The following TMEM132C variants were observed in gnomAD, a reference collection of about 807,000 sequenced individuals.
The protein encoded by TMEM132C is transmembrane protein 132C, also known as protein phosphatase 1, regulatory subunit 152.
A neutral mutation model predicts 61.4 loss-of-function variants in TMEM132C; 29 were observed. The observed-to-expected ratio is 0.47, with a 90% CI of 0.35 to 0.64. The LOEUF is 0.64. Ranked by LOEUF, TMEM132C falls within the 30% of genes least tolerant of loss-of-function variation. The pLI is 0.00. For synonymous variants in TMEM132C, 656 were observed against 633.1 expected (o/e 1.04, Z -0.54); for missense variants, 1,408 against 1,476.9 (o/e 0.95, Z 0.76).
rs1269198843 is a variant in TMEM132C at position 128,707,244 on chromosome 12, C to G, written c.*949C>G. ...CAGGAGAACAGAGCCCCACCTGGAC[C>G]ACCTGACCCCTCGGGATTCCACCCC... On this transcript the variant is annotated 3_prime_UTR_variant, in exon 9 of 9. Coordinates refer to ENST00000435159, the MANE Select transcript of TMEM132C (RefSeq NM_001136103.3). The G allele has an allele frequency of 6.6e-6, 1 of 152,198 alleles. No individual in the cohort carries two copies. The highest frequency in any genetic ancestry group is 2.4e-5 in the African/African-American group (1 of 41,452). 9.4% of individuals were successfully genotyped at this position (152,198 alleles called of 1,614,324 possible).
rs1455807944 is a variant in TMEM132C at position 128,547,662 on chromosome 12, C to CTTGGCCACATCCCCGTG, written c.1121+3574_1121+3590dup. Among the ~76,000 whole-genome samples the CTTGGCCACATCCCCGTG allele has an allele frequency of 3.3e-5, 5 of 151,972 alleles. No individual in the cohort carries two copies. The South Asian group carries it at 1.0e-3, about 32-fold the overall frequency. ...GGAAGCTGCAACTGTGTTTTCAGAT[C>CTTGGCCACATCCCCGTG]TTGGCCACATCCCCGTGTTGGCCAC... is the stretch of plus-strand genomic sequence containing the variant. On this transcript the variant is annotated intron_variant, in intron 3 of 8. Coordinates refer to ENST00000435159, the MANE Select transcript of TMEM132C (RefSeq NM_001136103.3).
At chr12:128,573,334 G>C (rs1874965664) in intron 3 of TMEM132C, among the ~76,000 whole-genome samples, 1 of 151,912 alleles carries the variant, frequency 6.6e-6, no homozygotes, top group Non-Finnish European at 1.5e-5. Context: ...CCATCATTCT[G>C]AGCAAACTAT....
intron 2 of TMEM132C, among the ~76,000 whole-genome samples, chr12:128,532,297 T>C (rs965311347): frequency 1.2e-4 from 18 of 152,146 alleles, no homozygotes; most frequent in Middle Eastern, 6.8e-3. Context: ...ATAAAATGAC[T>C]ATATATGCAA....
chr12:128,314,267 G>T (rs888774757), intron 1 of TMEM132C, among the ~76,000 whole-genome samples: 6 of 152,190 alleles, frequency 3.9e-5, no homozygotes, highest in African/African-American at 1.4e-4. Context: ...GCAGATCGGG[G>T]TAATTGGTTT....
chr12:128,512,763 TGA>T (rs1367997815), intron 2 of TMEM132C, among the ~76,000 whole-genome samples: 1 of 152,144 alleles, frequency 6.6e-6, no homozygotes, highest in African/African-American at 2.4e-5. Flanking sequence ...CCCACCAACA[TGA>T]GAGAGAGCCT....
intron 2 of TMEM132C, chr12:128,439,089 A>G (rs1869694144): frequency 6.6e-6 from 1 of 152,550 alleles, no homozygotes; most frequent in Non-Finnish European, 1.5e-5. Context: ...GTCAACAACA[A>G]CTTCTGTGGC....
chr12:128,665,834 CACAA>C (rs1481860319), intron 4 of TMEM132C, among the ~76,000 whole-genome samples: 2 of 120,750 alleles, frequency 1.7e-5, no homozygotes, highest in African/African-American at 3.7e-5. Context: ...CAGGCACTCA[CACAA>C]ACACAGGCAC....
At chr12:128,671,292 A>C (rs1954529322) in intron 5 of TMEM132C, among the ~76,000 whole-genome samples, 1 of 152,154 alleles carries the variant, frequency 6.6e-6, no homozygotes, top group African/African-American at 2.4e-5. Context: ...TAGAGTCTTA[A>C]GTTTTTTGGA....
chr12:128,553,756 C>T (rs1377324893), intron 3 of TMEM132C, among the ~76,000 whole-genome samples: 1 of 152,170 alleles, frequency 6.6e-6, no homozygotes, highest in East Asian at 1.9e-4. Flanking sequence ...TTCTGCCCTT[C>T]CTAACTTTAT....
chr12:128,503,959 C>G (rs545294045), intron 2 of TMEM132C, among the ~76,000 whole-genome samples: 1 of 152,300 alleles, frequency 6.6e-6, no homozygotes, highest in South Asian at 2.1e-4. Context: ...GCCCATGAAC[C>G]CTTTTGCAGT....
chr12:128,531,864 C>G (rs182799155), intron 2 of TMEM132C, among the ~76,000 whole-genome samples: 8 of 152,300 alleles, frequency 5.3e-5, no homozygotes, highest in Non-Finnish European at 7.3e-5. Context: ...TCACCTGTAC[C>G]CAGCCCATAA....
intron 3 of TMEM132C, among the ~76,000 whole-genome samples, chr12:128,584,670 C>T (rs973510154): frequency 6.6e-6 from 1 of 152,228 alleles, no homozygotes; most frequent in Non-Finnish European, 1.5e-5. Context: ...CCAGCAGGTG[C>T]TCACACTGAT....
rs368008160 is a variant in TMEM132C, at chr12:128,326,974, T to C, written c.85+59487T>C. ...GAACGACTATTTAAGTAAAATTTAC[T>C]TTTAGTGGTGTAATTTTTCCTTTTA... On this transcript the variant is annotated intron_variant, in intron 1 of 8. Transcript: ENST00000435159. The surrounding 1 kb of genome is among the most constrained non-coding windows in gnomAD (Gnocchi z 5.6). Among the ~76,000 whole-genome samples, 1 of 149,996 alleles carries C rather than the reference T, an allele frequency of 6.7e-6. No homozygotes were observed. The highest frequency in any genetic ancestry group is 1.9e-4 in the East Asian group (1 of 5,192).
At chr12:128,619,628 G>T (rs1565993674) in intron 4 of TMEM132C, among the ~76,000 whole-genome samples, 1 of 152,190 alleles carries the variant, frequency 6.6e-6, no homozygotes, top group Non-Finnish European at 1.5e-5. Flanking sequence ...CGACCCTCCT[G>T]CCAGCACCCA....
intron 1 of TMEM132C, among the ~76,000 whole-genome samples, chr12:128,338,195 C>A (rs1872842807): frequency 6.6e-6 from 1 of 152,018 alleles, no homozygotes; most frequent in Non-Finnish European, 1.5e-5. Flanking sequence ...AATAGGTAGA[C>A]CAATGTCGTG....
At chr12:128,424,583 T>C (rs1261468666) in intron 2 of TMEM132C, among the ~76,000 whole-genome samples, 1 of 152,058 alleles carries the variant, frequency 6.6e-6, no homozygotes, top group Non-Finnish European at 1.5e-5. Flanking sequence ...GGAGGTGGCA[T>C]GTGGGGAGTG....
At chr12:128,480,971 G>A (rs1288414965) in intron 2 of TMEM132C, among the ~76,000 whole-genome samples, 1 of 152,198 alleles carries the variant, frequency 6.6e-6, no homozygotes, top group African/African-American at 2.4e-5. Context: ...TCCTCACAGG[G>A]TCCAGCTCCT....
rs1421634850 is a variant in TMEM132C, at chr12:128,705,557, G to A, written c.2589G>A (p.Leu863=). ...LRRATTTARS[L]LDNKVVKNSR... ...GAGCCACTACCACGGCCAGGTCCCT[G>A]CTGGACAACAAAGTGGTGAAGAACA... Residue 863 remains leucine (L), a synonymous_variant, in exon 9 of 9, where the codon CTG becomes CTA. Coordinates refer to ENST00000435159, the MANE Select transcript of TMEM132C (RefSeq NM_001136103.3). 3.2e-6 allele frequency: 5 copies of A among 1,551,038 alleles called. No individual in the cohort carries two copies. In the Admixed American group the frequency reaches 9.8e-5, roughly 30 times the overall value.
chr12:128,370,067 GC>G (rs1395871938), intron 1 of TMEM132C, among the ~76,000 whole-genome samples: 1 of 152,088 alleles, frequency 6.6e-6, no homozygotes, highest in East Asian at 1.9e-4. Flanking sequence ...TTCCATATCT[GC>G]CAGAGTCCTC....
Sources: allele counts gnomAD v4.1 joint callset (sites outside exome capture counted in the v4.1 genomes callset), GRCh38; gene constraint gnomAD v4.1.1; non-coding constraint Gnocchi (gnomAD v3.1); transcripts MANE v1.5; gene names NCBI Gene and HGNC (gene_info 2026-07-23, HGNC 2026-07-21).